PCDH15: variants seen among roughly 807,000 people sequenced by gnomAD.
The protein encoded by PCDH15 is protocadherin related 15, also known as protocadherin-15.
Under a neutral mutation model 178.5 loss-of-function variants are expected in PCDH15, and 129 were observed. The observed-to-expected ratio is 0.72, with a 90% CI of 0.63 to 0.84. The LOEUF (loss-of-function observed/expected upper bound fraction) is 0.84, where lower values mean the gene tolerates loss of function less well. Among genes scored for constraint, PCDH15 ranks in the 40% least tolerant of loss-of-function variants. The pLI is 0.00. For missense variants in PCDH15, 2,230 were observed against 2,099.9 expected (o/e 1.06, Z -1.21); for synonymous variants, 800 against 732.0 (o/e 1.09, Z -1.50).
At chr10:54,927,084 A>C (rs2131849278) in intron 2 of PCDH15, among the ~76,000 whole-genome samples, 1 of 152,206 alleles carries the variant, frequency 6.6e-6, no homozygotes, top group East Asian at 1.9e-4. Context: ...TTAGTACTAT[A>C]AATTTCCCTC....
At chr10:54,525,604 G>T (rs2083290196) in intron 3 of PCDH15, among the ~76,000 whole-genome samples, 1 of 152,048 alleles carries the variant, frequency 6.6e-6, no homozygotes, top group Non-Finnish European at 1.5e-5. Context: ...GACTGTGAGT[G>T]TGTGCCACCA....
chr10:54,399,117 A>G (rs1951609346), intron 3 of PCDH15, among the ~76,000 whole-genome samples: 1 of 152,042 alleles, frequency 6.6e-6, no homozygotes, highest in Non-Finnish European at 1.5e-5. Context: ...TTTTCTTTTT[A>G]GAAACCATTT....
At chr10:54,035,231 A>C (rs979069827) in intron 18 of PCDH15, among the ~76,000 whole-genome samples, 1 of 151,910 alleles carries the variant, frequency 6.6e-6, no homozygotes, top group Non-Finnish European at 1.5e-5. Context: ...GTTTACAGGC[A>C]CACTCTGTTT....
intron 2 of PCDH15, chr10:55,599,971 A>G (rs1224322358): frequency 1.3e-6 from 2 of 1,493,050 alleles, no homozygotes; most frequent in African/African-American, 1.4e-5. Context: ...AGAGGCGGGT[A>G]TAAATAAATA....
At chr10:54,150,237 G>A (rs973057834) in intron 14 of PCDH15, among the ~76,000 whole-genome samples, 2 of 151,974 alleles carry the variant, frequency 1.3e-5, no homozygotes, top group Non-Finnish European at 2.9e-5. Flanking sequence ...GAGATTCAAA[G>A]GAAAACAAAC....
At chr10:55,232,012 A>G (rs922346552) in intron 1 of PCDH15, among the ~76,000 whole-genome samples, 1 of 151,988 alleles carries the variant, frequency 6.6e-6, no homozygotes, top group African/African-American at 2.4e-5. Context: ...TGTCAACTTT[A>G]TTTTTAACAA....
chr10:54,634,204 T>C (rs937673977), intron 2 of PCDH15, among the ~76,000 whole-genome samples: 1 of 148,764 alleles, frequency 6.7e-6, no homozygotes, highest in African/African-American at 2.4e-5. Flanking sequence ...TTTCTATACT[T>C]GTATCAGGAG....
At chr10:55,524,515 G>A (rs1841259942) in intron 2 of PCDH15, among the ~76,000 whole-genome samples, 1 of 151,420 alleles carries the variant, frequency 6.6e-6, no homozygotes, top group Non-Finnish European at 1.5e-5. Flanking sequence ...TTTGACTTAT[G>A]TTCTTAAATG....
intron 2 of PCDH15, among the ~76,000 whole-genome samples, chr10:54,983,740 T>C (rs893514770): frequency 3.3e-5 from 5 of 152,132 alleles, no homozygotes; most frequent in African/African-American, 1.2e-4. Flanking sequence ...TCTGAGCTGA[T>C]CCCAGATAGA....
At chr10:54,882,690 A>G (rs1224052174) in intron 3 of PCDH15, among the ~76,000 whole-genome samples, 2 of 152,070 alleles carry the variant, frequency 1.3e-5, no homozygotes, top group African/African-American at 2.4e-5. Context: ...AGAATCTGCT[A>G]TTCAGTGATT....
At chr10:54,214,890 C>G (rs1364170841) in intron 9 of PCDH15, among the ~76,000 whole-genome samples, 1 of 152,154 alleles carries the variant, frequency 6.6e-6, no homozygotes, top group Non-Finnish European at 1.5e-5. Flanking sequence ...CACGCCTAGC[C>G]AAGATGGTAT....
intron 1 of PCDH15, among the ~76,000 whole-genome samples, chr10:55,252,994 T>C (rs1175215468): frequency 6.6e-6 from 1 of 152,174 alleles, no homozygotes; most frequent in African/African-American, 2.4e-5. Flanking sequence ...TTAGTTAGCA[T>C]AGAAGGTCTG....
At chr10:54,172,647 C>T (rs2047036690) in intron 13 of PCDH15, among the ~76,000 whole-genome samples, 1 of 152,042 alleles carries the variant, frequency 6.6e-6, no homozygotes, top group Non-Finnish European at 1.5e-5. Flanking sequence ...ATATATTGTA[C>T]ATTTTGTTTC....
intron 2 of PCDH15, among the ~76,000 whole-genome samples, chr10:55,398,248 C>A (rs150703819): frequency 6.6e-6 from 1 of 151,544 alleles, no homozygotes; most frequent in South Asian, 2.1e-4. Flanking sequence ...AGCAGGGAAA[C>A]CCTTTAGCCT....
Position 54,346,365 on chromosome 10 carries a change from C to T in PCDH15, c.594G>A (p.Pro198=), listed in dbSNP as rs368308772. The T allele has an allele frequency of 6.7e-5, 108 of 1,612,296 alleles. No homozygotes were observed. Among genetic ancestry groups the T allele is most frequent in the Non-Finnish European group, 8.1e-5 (95 of 1,178,902 alleles). ...ACATTGCAAATAGGTATTTACATAC[C>T]GGATCATCTGGATTATACTGAATAA... ...EYVIQYNPDD[P]TSNDTFEIPL... Residue 198 remains proline (P), a splice_region_variant and synonymous_variant, in exon 6 of 38, where the codon CCG becomes CCA. Coordinates refer to ENST00000644397, the MANE Select transcript of PCDH15 (RefSeq NM_001384140.1).
At chr10:55,252,977 A>C (rs988617965) in intron 1 of PCDH15, among the ~76,000 whole-genome samples, 116 of 152,302 alleles carry the variant, frequency 7.6e-4, no homozygotes, top group African/African-American at 2.7e-3. Flanking sequence ...TTTTTGTCCA[A>C]TCATGTTTAG....
intron 8 of PCDH15, among the ~76,000 whole-genome samples, chr10:54,258,188 C>T (rs1196841805): frequency 1.3e-5 from 2 of 151,942 alleles, no homozygotes; most frequent in Non-Finnish European, 2.9e-5. Context: ...TCCTGTATAG[C>T]CAAAGGGAAG....
chr10:54,196,627 CTAA>C (rs1284909144), intron 10 of PCDH15, among the ~76,000 whole-genome samples: 1 of 152,132 alleles, frequency 6.6e-6, no homozygotes, highest in Non-Finnish European at 1.5e-5. Context: ...TCATTTTACA[CTAA>C]TGTTTAAATC....
intron 15 of PCDH15, among the ~76,000 whole-genome samples, chr10:54,091,639 T>C (rs2094602385): frequency 6.6e-6 from 1 of 152,204 alleles, no homozygotes; most frequent in African/African-American, 2.4e-5. Context: ...ATATTGACTA[T>C]GTGCTAGGTT....
Sources: allele counts gnomAD v4.1 joint callset (sites outside exome capture counted in the v4.1 genomes callset), GRCh38; gene constraint gnomAD v4.1.1; transcripts MANE v1.5; gene names NCBI Gene and HGNC (gene_info 2026-07-23, HGNC 2026-07-21).